ADAM7: variants seen among roughly 807,000 people sequenced by gnomAD.
ADAM7 encodes the protein ADAM metallopeptidase domain 7.
A neutral mutation model predicts 102.9 loss-of-function variants in ADAM7; 97 were observed. The ratio of observed to expected loss-of-function variants is 0.94; its 90% CI spans 0.80 to 1.12. ADAM7 has a LOEUF of 1.12. ADAM7 is among the 50% of genes most tolerant of loss of function. ADAM7 has a pLI of 0.00. For synonymous variants in ADAM7, 334 were observed against 304.4 expected, an observed-to-expected ratio of 1.10 and a Z score of -1.01; for missense variants, 991 against 908.7, an observed-to-expected ratio of 1.09 and a Z score of -1.16.
Position 24,482,317 on chromosome 8 carries a change from T to C in ADAM7, c.875+6T>C. The stretch of plus-strand genomic sequence containing the variant: ...GATCATGTTGTATTACTCAGGTTGG[T>C]GATTGCTCTATTTTCTTGCATACCT... On this transcript the variant is annotated splice_donor_region_variant and intron_variant, in intron 9 of 21. Transcript: ENST00000175238. 6.2e-7 allele frequency: 1 copy of C among 1,601,628 alleles called. No individual in the cohort carries two copies. The highest frequency in any genetic ancestry group is 8.5e-7 in the Non-Finnish European group (1 of 1,176,572).
chr8:24,483,968 A>C (rs1820048347), intron 9 of ADAM7, among the ~76,000 whole-genome samples: 1 of 152,094 alleles, frequency 6.6e-6, no homozygotes, highest in Non-Finnish European at 1.5e-5. Context: ...CATATTTGGG[A>C]CTTCTTATGT....
chr8:24,483,658 T>C (rs1303156009), intron 9 of ADAM7, among the ~76,000 whole-genome samples: 2 of 152,188 alleles, frequency 1.3e-5, no homozygotes, highest in Non-Finnish European at 1.5e-5. Flanking sequence ...AGAGGCATAG[T>C]TGTGCCTGGC....
At chr8:24,492,198 T>A in intron 14 of ADAM7, 100 bp downstream of exon 14, 1 of 1,176,582 alleles carries the variant, frequency 8.5e-7, no homozygotes, top group South Asian at 1.5e-5. Flanking sequence ...TAATGTCATT[T>A]GTGGCATTAT....
chr8:24,475,631 T>G (rs1819743470), intron 7 of ADAM7, among the ~76,000 whole-genome samples: 1 of 152,070 alleles, frequency 6.6e-6, no homozygotes, highest in Non-Finnish European at 1.5e-5. Flanking sequence ...ATGCTATATC[T>G]TAGCAGTATT....
In ADAM7 at chr8:24,493,158, A is replaced by T. The variant is rs750029535; in HGVS notation, c.1771A>T (p.Thr591Ser). 1.2e-6 allele frequency: 2 copies of T among 1,613,420 alleles called. No homozygotes were observed. Among genetic ancestry groups the T allele is most frequent in the Non-Finnish European group, 1.7e-6 (2 of 1,179,652 alleles). The change falls in exon 16 of 22, where the codon ACT becomes TCT. Residue 591 changes from threonine to serine, a missense_variant. Coordinates refer to ENST00000175238, the MANE Select transcript of ADAM7 (RefSeq NM_003817.4). ...PQKNATVKCKTIFLYHDSTDI... is the reference protein window; with the variant it reads ...PQKNATVKCKSIFLYHDSTDI... ...GAAGAATGCTACTGTCAAATGCAAA[A>T]CTATTTTTTTATACCATGATTCTAC...
intron 14 of ADAM7, 102 bp downstream of exon 14, chr8:24,492,200 T>C: frequency 8.4e-7 from 1 of 1,185,720 alleles, no homozygotes; most frequent in African/African-American, 1.5e-5. Context: ...ATGTCATTTG[T>C]GGCATTATTC....
chr8:24,472,723 A>T (rs550623920), intron 7 of ADAM7, among the ~76,000 whole-genome samples: 1 of 152,162 alleles, frequency 6.6e-6, no homozygotes, highest in Admixed American at 6.5e-5. Flanking sequence ...AATCCAAAGA[A>T]GGTATAAAGA....
At chr8:24,493,015 A>G (rs1820420763) in intron 15 of ADAM7, 28 bp from the exon 16 acceptor site, 1 of 1,541,264 alleles carries the variant, frequency 6.5e-7, no homozygotes, top group East Asian at 2.4e-5. Context: ...TTCTAGTTCC[A>G]AGTTTGAATA....
In ADAM7 at chr8:24,464,418, G is replaced by A. The variant is rs10096316; in HGVS notation, c.312+458G>A. 6.0e-3 allele frequency among the ~76,000 whole-genome samples: 906 copies of A among 152,142 alleles called. 9 individuals carry two copies. The highest frequency in any genetic ancestry group is 0.021 in the African/African-American group (865 of 41,522). ...GAGGTCTTTTCTTCAATCCTCAAAT[G>A]AATTTTTGTTCATTTATTATTATTA... On this transcript the variant is annotated intron_variant, in intron 4 of 21. Transcript: ENST00000175238.
intron 1 of ADAM7, 111 bp from the exon 2 acceptor site, chr8:24,442,362 C>G: frequency 2.6e-6 from 2 of 775,640 alleles, no homozygotes; most frequent in Non-Finnish European, 2.4e-6. Context: ...TGTTGCTGTC[C>G]ATGGCTGCTA....
At chr8:24,466,034 T>C (rs1393987830) in intron 5 of ADAM7, among the ~76,000 whole-genome samples, 2 of 152,226 alleles carry the variant, frequency 1.3e-5, no homozygotes, top group African/African-American at 4.8e-5. Flanking sequence ...CTGAAAATCA[T>C]TTAGTCTGGG....
chr8:24,491,035 T>C, intron 13 of ADAM7, 147 bp downstream of exon 13: 1 of 741,272 alleles, frequency 1.3e-6, no homozygotes, highest in Non-Finnish European at 2.2e-6. Flanking sequence ...TCTTGTGAGA[T>C]GCTCCAACAT....
At chr8:24,463,813 C>T (rs1463901939) in intron 3 of ADAM7, 69 bp from the exon 4 acceptor site, 3 of 1,320,036 alleles carry the variant, frequency 2.3e-6, no homozygotes, top group Non-Finnish European at 3.2e-6. Flanking sequence ...TTCTCCATCA[C>T]ATTATAGGTT....
intron 3 of ADAM7, among the ~76,000 whole-genome samples, chr8:24,455,192 C>A (rs556548156): frequency 2.0e-5 from 3 of 151,906 alleles, no homozygotes; most frequent in African/African-American, 7.3e-5. Context: ...ATCCATATAC[C>A]CGCTAACATA....
At chr8:24,498,336 C>T (rs1355677286) in intron 16 of ADAM7, among the ~76,000 whole-genome samples, 1 of 151,338 alleles carries the variant, frequency 6.6e-6, no homozygotes, top group Non-Finnish European at 1.5e-5. Flanking sequence ...TCTTATCTTG[C>T]AAAAGGAGGA....
intron 5 of ADAM7, 84 bp downstream of exon 5, chr8:24,465,859 A>G: frequency 1.9e-6 from 2 of 1,032,574 alleles, no homozygotes; most frequent in Non-Finnish European, 2.8e-6. Flanking sequence ...TTGTTTTATC[A>G]CTCCTGGTAT....
At chr8:24,445,269 C>T (rs778199242) in intron 2 of ADAM7, among the ~76,000 whole-genome samples, 6 of 152,164 alleles carry the variant, frequency 3.9e-5, no homozygotes, top group South Asian at 4.1e-4. Context: ...ACCCTAGTTT[C>T]TTGGCCTCCC....
At chr8:24,445,812 C>T (rs1432059646) in intron 2 of ADAM7, among the ~76,000 whole-genome samples, 3 of 152,150 alleles carry the variant, frequency 2.0e-5, no homozygotes, top group African/African-American at 7.2e-5. Flanking sequence ...ATTCAACTTA[C>T]ACCTGATTTT....
intron 2 of ADAM7, among the ~76,000 whole-genome samples, chr8:24,445,791 A>T (rs1370824092): frequency 1.3e-5 from 2 of 152,154 alleles, no homozygotes; most frequent in Non-Finnish European, 2.9e-5. Context: ...CCACTTTGTC[A>T]TTTCATTTCT....
Sources: allele counts gnomAD v4.1 joint callset (sites outside exome capture counted in the v4.1 genomes callset), GRCh38; gene constraint gnomAD v4.1.1; transcripts MANE v1.5; gene names NCBI Gene and HGNC (gene_info 2026-07-23, HGNC 2026-07-21).